The following WDFY2 variants were observed in gnomAD, a reference collection of about 807,000 sequenced individuals.
WDFY2 encodes the protein WD repeat and FYVE domain-containing protein 2.
Under a neutral mutation model 56.4 loss-of-function variants are expected in WDFY2, and 36 were observed. The observed-to-expected ratio is 0.64, with a 90% CI of 0.49 to 0.84. The LOEUF is 0.84. Ranked by LOEUF, WDFY2 falls within the 40% of genes least tolerant of loss-of-function variation. The pLI is 0.00. For missense variants in WDFY2, 444 were observed against 512.2 expected (o/e 0.87, Z 1.29); for synonymous variants, 176 against 183.7 (o/e 0.96, Z 0.34).
At chr13:51,632,618 GCTA>G (rs1954973943) in intron 1 of WDFY2, among the ~76,000 whole-genome samples, 1 of 152,054 alleles carries the variant, frequency 6.6e-6, no homozygotes, top group Admixed American at 6.6e-5. Flanking sequence ...ACTTTCATTT[GCTA>G]TGTCCTATTG....
rs1593944691 is a variant in WDFY2 at position 51,656,147 on chromosome 13, G to T, written c.138-4449G>T. Among the ~76,000 whole-genome samples, 3 of 149,386 alleles carry T rather than the reference G, an allele frequency of 2.0e-5. 1 individual carries two copies. The highest frequency in any genetic ancestry group is 2.0e-4 in the Admixed American group (3 of 14,940). ...GCTTTTCCTTAAGGTATAAAATTAG[G>T]TTATTGATTTGTGATCTTCTTTTTT... On this transcript the variant is annotated intron_variant, in intron 1 of 11. Coordinates refer to ENST00000298125, the MANE Select transcript of WDFY2 (RefSeq NM_052950.4).
intron 1 of WDFY2, 60 bp from the exon 2 acceptor site, chr13:51,660,536 C>T: frequency 1.3e-6 from 2 of 1,521,318 alleles, no homozygotes; most frequent in Non-Finnish European, 1.8e-6. Flanking sequence ...TTCTATGTAT[C>T]AGCATTTTCC....
At chr13:51,735,530 A>G (rs1257575534) in intron 6 of WDFY2, among the ~76,000 whole-genome samples, 1 of 152,236 alleles carries the variant, frequency 6.6e-6, no homozygotes, top group East Asian at 1.9e-4. Context: ...GCAGTCACAT[A>G]TCCCGTAAGA....
chr13:51,633,377 A>G (rs375050842), intron 1 of WDFY2, among the ~76,000 whole-genome samples: 4 of 152,236 alleles, frequency 2.6e-5, no homozygotes, highest in African/African-American at 7.2e-5. Context: ...TGAGAACTGT[A>G]TAACATTGGT....
intron 3 of WDFY2, among the ~76,000 whole-genome samples, chr13:51,692,887 A>T (rs1008530368): frequency 6.6e-6 from 1 of 152,120 alleles, no homozygotes; most frequent in Non-Finnish European, 1.5e-5. Flanking sequence ...TTATTGGTCT[A>T]TTCAGAGATT....
intron 3 of WDFY2, among the ~76,000 whole-genome samples, chr13:51,687,567 C>T (rs1233398825): frequency 6.6e-6 from 1 of 150,786 alleles, no homozygotes; most frequent in Non-Finnish European, 1.5e-5. Flanking sequence ...ACAAGCCCCA[C>T]AGCAGGAGTG....
intron 3 of WDFY2, among the ~76,000 whole-genome samples, chr13:51,679,405 G>A (rs891686041): frequency 4.6e-5 from 7 of 152,228 alleles, no homozygotes; most frequent in African/African-American, 1.4e-4. Context: ...CATGGTCATT[G>A]AAGATTTTTT....
At chr13:51,595,150 A>G (rs567984056) in intron 1 of WDFY2, among the ~76,000 whole-genome samples, 2 of 152,050 alleles carry the variant, frequency 1.3e-5, no homozygotes, top group South Asian at 2.1e-4. Context: ...GCAGGCTTCT[A>G]TCTCTCTCTT....
chr13:51,734,479 G>GTATC (rs1952792615), intron 6 of WDFY2, among the ~76,000 whole-genome samples: 1 of 152,144 alleles, frequency 6.6e-6, no homozygotes, highest in Admixed American at 6.5e-5. Flanking sequence ...ATTTATGAGA[G>GTATC]TATATAGTAG....
intron 3 of WDFY2, among the ~76,000 whole-genome samples, chr13:51,679,498 G>T (rs184829684): frequency 5.9e-5 from 9 of 152,012 alleles, no homozygotes; most frequent in Non-Finnish European, 8.8e-5. Context: ...TGGGATGAGA[G>T]GATTGATCTA....
rs754495036 is a variant in WDFY2 at position 51,751,385 on chromosome 13, C to T, written c.801C>T (p.Val267=). Residue 267 remains valine, a synonymous_variant, in exon 8 of 12, where the codon GTC becomes GTT. Coordinates refer to ENST00000298125, the MANE Select transcript of WDFY2 (RefSeq NM_052950.4). Reference sequence around the variant, plus strand: ...CCTGTGGCGGTGATGGTGGGATTGTCGTCTGGAACATGGACGTGGAGAGGC... The same window carrying T: ...CCTGTGGCGGTGATGGTGGGATTGTTGTCTGGAACATGGACGTGGAGAGGC... ...LISCGGDGGI[V]VWNMDVERQE... 6 of 1,613,994 alleles carry T rather than the reference C, an allele frequency of 3.7e-6. No individual in the cohort carries two copies. Among genetic ancestry groups the T allele is most frequent in the Admixed American group, 1.7e-5 (1 of 60,016 alleles).
rs1220577870 is a variant in WDFY2, at chr13:51,608,942, ACT to A, written c.137+24123_137+24124del. Among the ~76,000 whole-genome samples the A allele has an allele frequency of 7.9e-5, 12 of 152,058 alleles. No individual in the cohort carries two copies. In the East Asian group the frequency reaches 2.1e-3, roughly 27 times the overall value. On this transcript the variant is annotated intron_variant, in intron 1 of 11. Coordinates refer to ENST00000298125, the MANE Select transcript of WDFY2 (RefSeq NM_052950.4). Reference sequence around the variant, plus strand: ...TCTGTTATCAACAATGCTTAAATGAACTCTCTTCTACAAATATCATTGGCTGT... The same window carrying A: ...TCTGTTATCAACAATGCTTAAATGAACTCTTCTACAAATATCATTGGCTGT...
intron 1 of WDFY2, among the ~76,000 whole-genome samples, chr13:51,604,560 A>G (rs998533818): frequency 5.3e-5 from 8 of 152,176 alleles, no homozygotes; most frequent in Admixed American, 2.6e-4. Flanking sequence ...CTTGAGGACT[A>G]TGTAGGACAA....
intron 6 of WDFY2, among the ~76,000 whole-genome samples, chr13:51,737,550 T>TAAA (rs1566207262): frequency 4.0e-5 from 2 of 49,574 alleles, no homozygotes; most frequent in African/African-American, 1.8e-4. Flanking sequence ...GACAATGAAT[T>TAAA]TAAAAAAAAA....
At chr13:51,602,457 T>C (rs1335990873) in intron 1 of WDFY2, among the ~76,000 whole-genome samples, 3 of 152,272 alleles carry the variant, frequency 2.0e-5, no homozygotes, top group Admixed American at 1.3e-4. Context: ...AGATACACTC[T>C]ATGATGTTTG....
At chr13:51,626,911 C>G (rs972869466) in intron 1 of WDFY2, among the ~76,000 whole-genome samples, 3 of 152,212 alleles carry the variant, frequency 2.0e-5, no homozygotes, top group Non-Finnish European at 1.5e-5. Flanking sequence ...GCTTGTGCTG[C>G]CAGCCCAGAT....
intron 1 of WDFY2, among the ~76,000 whole-genome samples, chr13:51,640,434 A>G (rs925836287): frequency 3.9e-5 from 6 of 152,110 alleles, no homozygotes; most frequent in African/African-American, 1.4e-4. Flanking sequence ...TTGGGTATGG[A>G]TGTTGGGATT....
At chr13:51,746,684 C>A (rs927482561) in intron 7 of WDFY2, among the ~76,000 whole-genome samples, 1 of 152,150 alleles carries the variant, frequency 6.6e-6, no homozygotes, top group Non-Finnish European at 1.5e-5. Flanking sequence ...GGTATCATTT[C>A]TTAAATGTTT....
intron 1 of WDFY2, among the ~76,000 whole-genome samples, chr13:51,651,774 TGA>T (rs1398233234): frequency 6.6e-6 from 1 of 151,936 alleles, no homozygotes; most frequent in Non-Finnish European, 1.5e-5. Context: ...CACCATGGTC[TGA>T]GAGACAGTTC....
Sources: gnomAD v4.1 joint callset for allele counts (sites outside exome capture counted in the v4.1 genomes callset) on GRCh38, gnomAD v4.1.1 for gene constraint, MANE v1.5 for transcripts, NCBI Gene and HGNC (gene_info 2026-07-23, HGNC 2026-07-21) for gene names.